The following WDR35 variants were observed in gnomAD, a reference collection of about 807,000 sequenced individuals.
WDR35 encodes the protein WD repeat-containing protein 35.
Under a neutral mutation model 158.3 loss-of-function variants are expected in WDR35, and 118 were observed. The observed-to-expected ratio is 0.75, with a 90% CI of 0.64 to 0.87. The LOEUF is 0.87. Ranked by LOEUF, WDR35 falls within the 40% of genes least tolerant of loss-of-function variation. The pLI, the probability that WDR35 is intolerant of heterozygous loss-of-function variation, is 0.00. For synonymous variants in WDR35, 448 were observed against 476.1 expected (o/e 0.94, Z 0.77); for missense variants, 1,263 against 1,405.8 (o/e 0.90, Z 1.62).
At chr2:19,926,906 C>T (rs1455167943) in intron 25 of WDR35, among the ~76,000 whole-genome samples, 3 of 18,186 alleles carry the variant, frequency 1.6e-4, no homozygotes, top group African/African-American at 1.4e-3. Context: ...CTCGAGGACC[C>T]CCCCCACCCT....
chr2:19,931,977 T>TA (rs771775060), intron 23 of WDR35, among the ~76,000 whole-genome samples: 5 of 152,130 alleles, frequency 3.3e-5, no homozygotes, highest in African/African-American at 4.8e-5. Flanking sequence ...AAAACTCTAT[T>TA]ATCAACAAAA....
At chr2:19,987,873 T>C (rs532531518) in intron 2 of WDR35, among the ~76,000 whole-genome samples, 2 of 148,826 alleles carry the variant, frequency 1.3e-5, no homozygotes, top group South Asian at 4.3e-4. Context: ...AGCAAAAGTA[T>C]GTATATACAG....
At position 19,982,515 on chromosome 2, in the gene WDR35, G is replaced by T. The variant is rs1395374026; in HGVS notation, c.162C>A (p.Gly54=). 1 of 1,613,726 alleles carries T rather than the reference G, an allele frequency of 6.2e-7. No individual in the cohort carries two copies. The highest frequency in any genetic ancestry group is 1.7e-4 in the Middle Eastern group (1 of 6,048). ...TAGAAAGGTTACTGGGGGCTGCAAG[G>T]CCCCTCAATTTTGCATCATCTAAAA... is the stretch of plus-strand genomic sequence containing the variant. ...ETQTDDAKLR[G]LAAPSNLSMN... Residue 54 remains glycine, a synonymous_variant, in exon 3 of 27, where the codon GGC becomes GGA. Transcript: ENST00000281405.
At position 19,946,448 on chromosome 2, in the gene WDR35, T is replaced by C; in HGVS notation, c.1634+13A>G. On this transcript the variant is annotated intron_variant, in intron 15 of 26. Coordinates refer to ENST00000281405, the MANE Select transcript of WDR35 (RefSeq NM_020779.4). ...AAGTCTAACATCTACATGAGCAGAG[T>C]TTTCAGGCTTACCTAGAGTTGCAAT... is the stretch of plus-strand genomic sequence containing the variant. The C allele has an allele frequency of 6.2e-7, 1 of 1,604,968 alleles. No individual in the cohort carries two copies. Among genetic ancestry groups the C allele is most frequent in the East Asian group, 2.2e-5 (1 of 44,724 alleles).
intron 25 of WDR35, among the ~76,000 whole-genome samples, chr2:19,926,452 T>C (rs1270385764): frequency 6.6e-6 from 1 of 152,274 alleles, no homozygotes. Context: ...TAATGACTGC[T>C]TTTGATTTGC....
chr2:19,962,233 ATAACCTC>A, intron 10 of WDR35: 1 of 1,585,380 alleles, frequency 6.3e-7, no homozygotes. Flanking sequence ...CTGATCAGCT[ATAACCTC>A]AAAACTCATT....
At chr2:19,937,292 T>A (rs1435353304) in intron 19 of WDR35, among the ~76,000 whole-genome samples, 3 of 152,194 alleles carry the variant, frequency 2.0e-5, no homozygotes, top group African/African-American at 7.2e-5. Flanking sequence ...TTTATGAAGT[T>A]CATACATTAT....
chr2:19,940,189 C>CAAAAAAAAAAAAAAAAAAAAAAA (rs1197342596), intron 17 of WDR35, among the ~76,000 whole-genome samples: 1 of 80,248 alleles, frequency 1.2e-5, no homozygotes, highest in Non-Finnish European at 2.7e-5. Flanking sequence ...CCCATCTCTA[C>CAAAAAAAAAAAAAAAAAAAAAAA]AAAAAAAAAA....
At chr2:19,915,902 C>T (rs1669975194) in intron 25 of WDR35, among the ~76,000 whole-genome samples, 1 of 133,850 alleles carries the variant, frequency 7.5e-6, no homozygotes, top group African/African-American at 2.8e-5. Context: ...GCCAGGGCAA[C>T]AGAGCGAGAC....
chr2:19,955,907 AT>A (rs142323645), intron 11 of WDR35, among the ~76,000 whole-genome samples: 12,308 of 150,936 alleles, frequency 0.082, 704 homozygotes, highest in South Asian at 0.2. Context: ...CAACTGAGTA[AT>A]TTTTTTTTTA....
In WDR35 at chr2:19,973,552, A is replaced by G; in HGVS notation, c.882+11T>C. 6.2e-7 allele frequency: 1 copy of G among 1,614,142 alleles called. No homozygotes were observed. The highest frequency in any genetic ancestry group is 8.5e-7 in the Non-Finnish European group (1 of 1,180,004). On this transcript the variant is annotated intron_variant, in intron 8 of 26. Transcript: ENST00000281405. ...AATAGAAAGAAAGAAGATCAATTTG[A>G]ATGCATTTACCTCACCAAACGGAGT... is the stretch of plus-strand genomic sequence containing the variant.
chr2:19,941,938 C>T (rs1440930400), intron 16 of WDR35, 99 bp from the exon 17 acceptor site: 1 of 886,926 alleles, frequency 1.1e-6, no homozygotes, highest in Non-Finnish European at 1.8e-6. Flanking sequence ...TTCAGGTAAA[C>T]AAAAGAGAGA....
chr2:19,919,486 TG>T (rs753653443), intron 25 of WDR35, among the ~76,000 whole-genome samples: 13 of 151,912 alleles, frequency 8.6e-5, no homozygotes, highest in Non-Finnish European at 1.6e-4. Flanking sequence ...GAATGACTAC[TG>T]GGCAAATAAC....
chr2:19,919,397 AAGAAAAGAAAAAG>A (rs1385859444), intron 25 of WDR35, among the ~76,000 whole-genome samples: 5 of 117,856 alleles, frequency 4.2e-5, no homozygotes, highest in African/African-American at 1.2e-4. Context: ...AAAAAAAAAA[AAGAAAAGAAAAAG>A]AAAAAGAAAA....
In WDR35 at chr2:19,911,685, C is replaced by A. The variant is rs1669839840; in HGVS notation, c.*1873G>T. ...AGTTAATAGAGCGTGTATGTGTGAC[C>A]ACAGATAGAAAGGAGCAAGAGATAC... On this transcript the variant is annotated 3_prime_UTR_variant, in exon 27 of 27. Coordinates refer to ENST00000281405, the MANE Select transcript of WDR35 (RefSeq NM_020779.4). 1 of 152,050 alleles carries A rather than the reference C, an allele frequency of 6.6e-6. No individual in the cohort carries two copies. Among genetic ancestry groups the A allele is most frequent in the South Asian group, 2.1e-4 (1 of 4,830 alleles). The allele number at this position is 152,050 out of a possible 1,614,324, so 9.4% of individuals were successfully genotyped here.
chr2:19,919,474 C>T (rs574507554), intron 25 of WDR35, among the ~76,000 whole-genome samples: 1 of 151,546 alleles, frequency 6.6e-6, no homozygotes, highest in South Asian at 2.1e-4. Flanking sequence ...CAACCTTCTC[C>T]TGAATGACTA....
chr2:19,962,359 T>C (rs1393266927), intron 10 of WDR35: 1 of 1,610,606 alleles, frequency 6.2e-7, no homozygotes, highest in South Asian at 1.1e-5. Flanking sequence ...ACAGGAGAAA[T>C]TCAGAAAAAT....
chr2:19,976,219 T>C (rs1338942725), intron 5 of WDR35, among the ~76,000 whole-genome samples: 1 of 152,236 alleles, frequency 6.6e-6, no homozygotes, highest in Non-Finnish European at 1.5e-5. Flanking sequence ...TGCAGATCTA[T>C]TTCTCTTTGA....
intron 13 of WDR35, among the ~76,000 whole-genome samples, chr2:19,950,520 A>G (rs757283129): frequency 2.6e-5 from 4 of 152,188 alleles, no homozygotes; most frequent in African/African-American, 9.6e-5. Flanking sequence ...TTAAGATGGC[A>G]TCTATTTTAA....
Sources: allele counts gnomAD v4.1 joint callset (sites outside exome capture counted in the v4.1 genomes callset), GRCh38; gene constraint gnomAD v4.1.1; transcripts MANE v1.5; gene names NCBI Gene and HGNC (gene_info 2026-07-23, HGNC 2026-07-21).